Variants in TBK1 observed in about 807,000 individuals in gnomAD.
TBK1 encodes the protein TANK binding kinase 1.
A neutral mutation model predicts 99.9 loss-of-function variants in TBK1; 37 were observed. That is an observed-to-expected ratio of 0.37 (90% CI 0.28 to 0.49). TBK1 has a LOEUF of 0.49. Ranked by LOEUF, TBK1 falls within the 20% of genes least tolerant of loss-of-function variation. The pLI is 0.98. For synonymous variants in TBK1, 258 were observed against 279.8 expected (o/e 0.92, Z 0.78); for missense variants, 644 against 872.5 (o/e 0.74, Z 3.30).
intron 13 of TBK1, among the ~76,000 whole-genome samples, chr12:64,494,457 C>G (rs144034517): frequency 2.0e-5 from 3 of 151,974 alleles, no homozygotes; most frequent in Admixed American, 6.6e-5. Context: ...CCAGCCTAGG[C>G]GACAGAATGA....
At chr12:64,457,653 G>A (rs1374903041) in intron 2 of TBK1, among the ~76,000 whole-genome samples, 1 of 152,184 alleles carries the variant, frequency 6.6e-6, no homozygotes, top group African/African-American at 2.4e-5. Flanking sequence ...CTGATGGGAT[G>A]AGAGATAGTC....
chr12:64,462,748 A>G (rs970925436), intron 3 of TBK1, among the ~76,000 whole-genome samples: 1 of 152,230 alleles, frequency 6.6e-6, no homozygotes, highest in African/African-American at 2.4e-5. Context: ...TTTAAGACTC[A>G]TTCAGATTTT....
chr12:64,468,993 A>G (rs1272501733), intron 5 of TBK1, among the ~76,000 whole-genome samples: 1 of 151,576 alleles, frequency 6.6e-6, no homozygotes, highest in Non-Finnish European at 1.5e-5. Flanking sequence ...ATCAGTCTGA[A>G]CCCTACTGCA....
chr12:64,482,934 G>C (rs1247011749), intron 8 of TBK1, among the ~76,000 whole-genome samples: 1 of 152,180 alleles, frequency 6.6e-6, no homozygotes, highest in East Asian at 1.9e-4. Context: ...TGAGTAAGTT[G>C]GGTGTATCAA....
chr12:64,472,475 T>G (rs554900272), intron 5 of TBK1, among the ~76,000 whole-genome samples: 1 of 152,186 alleles, frequency 6.6e-6, no homozygotes, highest in African/African-American at 2.4e-5. Flanking sequence ...TTTTCAAGAT[T>G]TATCTTCCAA....
chr12:64,453,684 A>G (rs933470914), intron 1 of TBK1, among the ~76,000 whole-genome samples: 19 of 152,216 alleles, frequency 1.2e-4, no homozygotes, highest in African/African-American at 4.3e-4. Context: ...CTTACTGTGG[A>G]GGGATATTAA....
intron 12 of TBK1, 123 bp downstream of exon 12, chr12:64,488,711 C>T (rs1457631608): frequency 1.8e-5 from 13 of 708,388 alleles, no homozygotes; most frequent in Admixed American, 1.1e-4. Context: ...TAAAGATCAG[C>T]GGCCTGGCAC....
chr12:64,495,812 C>A, intron 15 of TBK1, 37 bp downstream of exon 15: 1 of 1,430,534 alleles, frequency 7.0e-7, no homozygotes. Flanking sequence ...TTAATAAATC[C>A]CTCTTAGTAA....
chr12:64,455,774 C>A, intron 1 of TBK1, 66 bp from the exon 2 acceptor site: 1 of 781,166 alleles, frequency 1.3e-6, no homozygotes, highest in Non-Finnish European at 2.1e-6. Context: ...CTAAAAACAG[C>A]TAACATTTGT....
intron 5 of TBK1, among the ~76,000 whole-genome samples, chr12:64,472,647 A>G (rs1362996936): frequency 2.8e-5 from 1 of 35,290 alleles, no homozygotes; most frequent in Admixed American, 4.5e-4. Flanking sequence ...ATCTGTTCTC[A>G]GTGACTATGG....
chr12:64,454,660 A>C (rs1333401377), intron 1 of TBK1, among the ~76,000 whole-genome samples: 1 of 144,410 alleles, frequency 6.9e-6, no homozygotes, highest in Admixed American at 7.0e-5. Context: ...GAATATTGCT[A>C]GAAACTCAGA....
chr12:64,475,902 A>T (rs1157817184), intron 6 of TBK1, among the ~76,000 whole-genome samples: 7 of 152,170 alleles, frequency 4.6e-5, no homozygotes, highest in African/African-American at 1.7e-4. Flanking sequence ...GCTGGGTCAA[A>T]TGATAGTTCT....
chr12:64,467,691 G>C (rs1189943675), intron 5 of TBK1, among the ~76,000 whole-genome samples: 5 of 152,070 alleles, frequency 3.3e-5, no homozygotes, highest in Non-Finnish European at 7.4e-5. Context: ...ATGGCTTTGG[G>C]TTTTGTCTTA....
At chr12:64,475,262 T>C (rs773072503) in intron 6 of TBK1, among the ~76,000 whole-genome samples, 6 of 152,108 alleles carry the variant, frequency 3.9e-5, no homozygotes, top group Non-Finnish European at 7.4e-5. Flanking sequence ...TTGTCACAAT[T>C]TTTTTTTAAT....
At position 64,456,071 on chromosome 12, in the gene TBK1, A is replaced by C; in HGVS notation, c.87+114A>C. ...GATTTTGATCCCTTTGTCTGAAGAA[A>C]TTGTTTTAATGATTTTCGTGGTCAT... On this transcript the variant is annotated intron_variant, in intron 2 of 20. Coordinates refer to ENST00000331710, the MANE Select transcript of TBK1 (RefSeq NM_013254.4). The C allele has an allele frequency of 6.3e-6, 5 of 787,916 alleles. No individual in the cohort carries two copies. The South Asian group carries it at 9.2e-5, about 15-fold the overall frequency. 48.8% of individuals were successfully genotyped at this position (787,916 alleles called of 1,614,324 possible). A position where few individuals can be genotyped will look rare whatever the true frequency, so the allele number is the denominator to read the frequency against.
chr12:64,452,776 A>G (rs2040441827), intron 1 of TBK1: 1 of 152,234 alleles, frequency 6.6e-6, no homozygotes, highest in Non-Finnish European at 1.5e-5. Flanking sequence ...GAATTCCCAG[A>G]CATTTCCTTG....
At position 64,455,937 on chromosome 12, in the gene TBK1, G is replaced by A. The variant is rs1157085287; in HGVS notation, c.67G>A (p.Val23Ile). The change falls in exon 2 of 21, where the codon GTC becomes ATC. Residue 23 changes from valine (V) to isoleucine (I), a missense_variant. By Grantham distance (29) the Val-to-Ile change is conservative. Coordinates refer to ENST00000331710, the MANE Select transcript of TBK1 (RefSeq NM_013254.4). Reference protein sequence around the residue: ...DILGQGATANVFRGRHKKTGD... With the variant: ...DILGQGATANIFRGRHKKTGD... ...TTTAGGCCAAGGAGCTACTGCAAAT[G>A]TCTTTCGTGGAAGACATAAGGTTAG... 3 of 1,613,514 alleles carry A rather than the reference G, an allele frequency of 1.9e-6. No homozygotes were observed. Among genetic ancestry groups the A allele is most frequent in the Non-Finnish European group, 2.5e-6 (3 of 1,179,746 alleles).
At chr12:64,478,675 A>G (rs1273324194) in intron 6 of TBK1, among the ~76,000 whole-genome samples, 1 of 152,178 alleles carries the variant, frequency 6.6e-6, no homozygotes, top group African/African-American at 2.4e-5. Flanking sequence ...GGAAGAAGAC[A>G]CCTATTTAAC....
At chr12:64,481,394 T>C (rs1194641535) in intron 7 of TBK1, among the ~76,000 whole-genome samples, 1 of 152,160 alleles carries the variant, frequency 6.6e-6, no homozygotes, top group African/African-American at 2.4e-5. Flanking sequence ...GAAAGTATAT[T>C]ATATAATTTT....
Sources: allele counts gnomAD v4.1 joint callset (sites outside exome capture counted in the v4.1 genomes callset), GRCh38; gene constraint gnomAD v4.1.1; transcripts MANE v1.5; gene names NCBI Gene and HGNC (gene_info 2026-07-23, HGNC 2026-07-21).